The following MBD5 variants were observed in gnomAD, a reference collection of about 807,000 sequenced individuals.
MBD5 encodes methyl-CpG binding domain protein 5, also known as methyl-CpG-binding domain protein 5.
A neutral mutation model predicts 117.3 loss-of-function variants in MBD5; 13 were observed. The ratio of observed to expected loss-of-function variants is 0.11; its 90% CI spans 0.07 to 0.18. MBD5 has a LOEUF of 0.18. MBD5 is among the 10% of genes least tolerant of loss of function. MBD5 has a pLI of 1.00. For missense variants in MBD5, 1,879 were observed against 2,093.8 expected (o/e 0.90, Z 2.00); for synonymous variants, 727 against 766.4 (o/e 0.95, Z 0.85).
chr2:148,446,729 G>A (rs901403656), intron 4 of MBD5, among the ~76,000 whole-genome samples: 5 of 151,752 alleles, frequency 3.3e-5, no homozygotes, highest in Non-Finnish European at 4.4e-5. Flanking sequence ...ATCCAATGGT[G>A]GCCATGGAGG....
chr2:148,077,462 T>G (rs1426932051), intron 1 of MBD5, among the ~76,000 whole-genome samples: 1 of 152,212 alleles, frequency 6.6e-6, no homozygotes, highest in Admixed American at 6.5e-5. Context: ...ACCTGCTTCC[T>G]TAGTTTTAGA....
intron 3 of MBD5, among the ~76,000 whole-genome samples, chr2:148,247,159 T>A (rs1236146912): frequency 1.3e-5 from 2 of 152,218 alleles, no homozygotes; most frequent in African/African-American, 2.4e-5. Context: ...TTTTCCTGTC[T>A]CTATCACTGT....
chr2:148,052,206 G>GTTT (rs70992189), intron 1 of MBD5, among the ~76,000 whole-genome samples: 965 of 83,712 alleles, frequency 0.012, 123 homozygotes, highest in African/African-American at 0.032. Flanking sequence ...CTGTTATTGA[G>GTTT]TTTTTTTTTT....
chr2:148,328,540 C>A (rs1001485625), intron 3 of MBD5, among the ~76,000 whole-genome samples: 1 of 152,246 alleles, frequency 6.6e-6, no homozygotes, highest in Non-Finnish European at 1.5e-5. Context: ...ATATAATCTC[C>A]TGGTGCACCG....
intron 1 of MBD5, among the ~76,000 whole-genome samples, chr2:148,075,927 A>G (rs1165796081): frequency 6.6e-6 from 1 of 152,176 alleles, no homozygotes; most frequent in Non-Finnish European, 1.5e-5. Flanking sequence ...CAGTGCCCAC[A>G]TAAATGTATT....
At chr2:148,380,168 T>C (rs1704096344) in intron 4 of MBD5, among the ~76,000 whole-genome samples, 2 of 152,150 alleles carry the variant, frequency 1.3e-5, no homozygotes, top group African/African-American at 4.8e-5. Flanking sequence ...TACTACTCAC[T>C]AGAAAAATAT....
At chr2:148,208,332 A>T (rs1311157287) in intron 2 of MBD5, among the ~76,000 whole-genome samples, 1 of 152,024 alleles carries the variant, frequency 6.6e-6, no homozygotes, top group African/African-American at 2.4e-5. Flanking sequence ...GCTCACTGCA[A>T]CCCCTGCCTC....
In MBD5 at chr2:148,513,680, T is replaced by C. The variant is rs1383731120; in HGVS notation, c.*739T>C. 6.6e-6 allele frequency: 1 copy of C among 152,176 alleles called. No homozygotes were observed. The highest frequency in any genetic ancestry group is 1.5e-5 in the Non-Finnish European group (1 of 68,026). 9.4% of individuals were successfully genotyped at this position (152,176 alleles called of 1,614,324 possible). On this transcript the variant is annotated 3_prime_UTR_variant, in exon 14 of 14. Transcript: ENST00000642680. ...AGGGATGAGGGCTCACAGGTCTAAATTAAGAATTCAGAAACTGCAACCATT... is the reference window on the plus strand; with the variant it reads ...AGGGATGAGGGCTCACAGGTCTAAACTAAGAATTCAGAAACTGCAACCATT...
intron 8 of MBD5, among the ~76,000 whole-genome samples, chr2:148,474,004 T>C (rs1467182399): frequency 1.3e-5 from 2 of 152,188 alleles, no homozygotes; most frequent in African/African-American, 2.4e-5. Context: ...CAAATCTCTG[T>C]TGGATCTGGC....
At position 148,302,092 on chromosome 2, in the gene MBD5, A is replaced by G. The variant is rs1489539560; in HGVS notation, c.-679-40122A>G. Among the ~76,000 whole-genome samples the G allele has an allele frequency of 3.3e-5, 5 of 152,228 alleles. No individual in the cohort carries two copies. In the East Asian group the frequency reaches 9.6e-4, roughly 29 times the overall value. On this transcript the variant is annotated intron_variant, in intron 3 of 13. Coordinates refer to ENST00000642680, the MANE Select transcript of MBD5 (RefSeq NM_001378120.1). Reference sequence around the variant, plus strand: ...CCTACTGTAACAATACTAGCTGTATAAGACCATGTGAAGATATTTTTAAGT... The same window carrying G: ...CCTACTGTAACAATACTAGCTGTATGAGACCATGTGAAGATATTTTTAAGT...
intron 4 of MBD5, among the ~76,000 whole-genome samples, chr2:148,398,225 CCA>C (rs1704796961): frequency 6.6e-6 from 1 of 152,160 alleles, no homozygotes. Flanking sequence ...TGAGGAATCG[CCA>C]CACTGACTTC....
intron 2 of MBD5, among the ~76,000 whole-genome samples, chr2:148,201,565 C>T (rs1221770392): frequency 6.6e-6 from 1 of 152,208 alleles, no homozygotes; most frequent in Non-Finnish European, 1.5e-5. Flanking sequence ...TGGCTGCCCT[C>T]TGCTGGCAGA....
intron 12 of MBD5, 49 bp downstream of exon 12, chr2:148,502,558 C>A: frequency 6.5e-7 from 1 of 1,544,734 alleles, no homozygotes; most frequent in Non-Finnish European, 8.9e-7. Flanking sequence ...ATATAATTTA[C>A]TGTTTTTCCA....
intron 8 of MBD5, among the ~76,000 whole-genome samples, chr2:148,479,665 T>C (rs560574773): frequency 8.6e-5 from 13 of 151,878 alleles, no homozygotes; most frequent in African/African-American, 2.9e-4. Flanking sequence ...TTTCTTTGTT[T>C]TGGGGAAGCA....
At chr2:148,108,034 TC>T (rs1558928862) in intron 1 of MBD5, among the ~76,000 whole-genome samples, 1 of 152,042 alleles carries the variant, frequency 6.6e-6, no homozygotes, top group Non-Finnish European at 1.5e-5. Context: ...ATGAAGGCTC[TC>T]TTGTGGTTAC....
chr2:148,238,410 T>C (rs1028163321), intron 3 of MBD5, among the ~76,000 whole-genome samples: 15 of 152,190 alleles, frequency 9.9e-5, no homozygotes, highest in African/African-American at 3.4e-4. Context: ...AGAGAAATAT[T>C]CCATTTATAG....
At chr2:148,381,613 C>A (rs1704146080) in intron 4 of MBD5, among the ~76,000 whole-genome samples, 1 of 152,048 alleles carries the variant, frequency 6.6e-6, no homozygotes, top group Admixed American at 6.6e-5. Flanking sequence ...GAGAATGCCA[C>A]AAAGATACTC....
intron 4 of MBD5, among the ~76,000 whole-genome samples, chr2:148,352,417 A>G (rs1324633581): frequency 6.6e-6 from 1 of 152,180 alleles, no homozygotes; most frequent in East Asian, 1.9e-4. Context: ...AAATTATAGT[A>G]CAATATAACA....
At chr2:148,064,777 G>T (rs1695139668) in intron 1 of MBD5, among the ~76,000 whole-genome samples, 1 of 151,944 alleles carries the variant, frequency 6.6e-6, no homozygotes, top group Admixed American at 6.5e-5. Flanking sequence ...CCCCTTCATT[G>T]TTTCTTACTT....
Sources: gnomAD v4.1 joint callset for allele counts (sites outside exome capture counted in the v4.1 genomes callset) on GRCh38, gnomAD v4.1.1 for gene constraint, MANE v1.5 for transcripts, NCBI Gene and HGNC (gene_info 2026-07-23, HGNC 2026-07-21) for gene names.